Variants in HEPACAM observed in about 807,000 individuals in gnomAD.
HEPACAM encodes hepatic and glial cell adhesion molecule.
HEPACAM carries 18 observed loss-of-function variants against 38.3 expected under a neutral mutation model. That is an observed-to-expected ratio of 0.47 (90% CI 0.33 to 0.70). The LOEUF is 0.70. Among genes scored for constraint, HEPACAM ranks in the 30% least tolerant of loss-of-function variants. The pLI, the probability that HEPACAM is intolerant of heterozygous loss-of-function variation, is 0.03. For synonymous variants in HEPACAM, 216 were observed against 243.1 expected, an observed-to-expected ratio of 0.89 and a Z score of 1.04; for missense variants, 466 against 563.0, an observed-to-expected ratio of 0.83 and a Z score of 1.74.
Position 124,923,717 on chromosome 11 carries a change from G to A in HEPACAM, c.709+12C>T, listed in dbSNP as rs532459336. On this transcript the variant is annotated intron_variant, in intron 3 of 6. Coordinates refer to ENST00000298251, the MANE Select transcript of HEPACAM (RefSeq NM_152722.5). ...CTTTGAGTACTAAAGGAAAGCCTGC[G>A]GGGAAACTCACTGTATACGGTGATC... 95 of 1,613,942 alleles carry A rather than the reference G, an allele frequency of 5.9e-5. No individual in the cohort carries two copies. The highest frequency in any genetic ancestry group is 1.2e-4 in the African/African-American group (9 of 75,028).
At chr11:124,925,185 C>T in intron 1 of HEPACAM, 116 bp from the exon 2 acceptor site, 1 of 747,114 alleles carries the variant, frequency 1.3e-6, no homozygotes, top group Non-Finnish European at 2.1e-6. Context: ...TCTTCACTCC[C>T]TGCCAATCCT....
chr11:124,929,460 A>G (rs1947257577), intron 1 of HEPACAM, among the ~76,000 whole-genome samples: 1 of 152,212 alleles, frequency 6.6e-6, no homozygotes, highest in South Asian at 2.1e-4. Context: ...TCAGGGTTCC[A>G]CAACTTTCAA....
In HEPACAM at chr11:124,921,749, A is replaced by C. The variant is rs1947142098; in HGVS notation, c.949-309T>G. Among the ~76,000 whole-genome samples the C allele has an allele frequency of 6.6e-6, 1 of 152,174 alleles. No homozygotes were observed. On this transcript the variant is annotated intron_variant, in intron 6 of 6. Coordinates refer to ENST00000298251, the MANE Select transcript of HEPACAM (RefSeq NM_152722.5). The surrounding 1 kb of genome is among the most constrained non-coding windows in gnomAD (Gnocchi z 4.6). ...TTAGTTGTGGAATACTGGGGAAATC[A>C]CCAGAACTGGTGTCCAAAGACCTAG...
chr11:124,927,958 A>G (rs1386072749), intron 1 of HEPACAM, among the ~76,000 whole-genome samples: 1 of 152,240 alleles, frequency 6.6e-6, no homozygotes, highest in African/African-American at 2.4e-5. Flanking sequence ...TTAAAGCTGA[A>G]TGTGTGAATA....
chr11:124,922,709 T>C (rs1947156978), intron 5 of HEPACAM, 36 bp downstream of exon 5: 1 of 1,614,226 alleles, frequency 6.2e-7, no homozygotes, highest in East Asian at 2.2e-5. Context: ...GATCTGATTG[T>C]TGATGGGATG....
chr11:124,920,677 GCAAAAAAAA>G lies in HEPACAM; in HGVS notation c.*452_*460del, dbSNP rs1947118089. The G allele has an allele frequency of 4.4e-4, 48 of 108,126 alleles. No individual in the cohort carries two copies. The highest frequency in any genetic ancestry group is 5.2e-4 in the South Asian group (3 of 5,752). The allele number at this position is 108,126 out of a possible 1,614,324, so 6.7% of individuals were successfully genotyped here. A position where few individuals can be genotyped will look rare whatever the true frequency, so the allele number is the denominator to read the frequency against. On this transcript the variant is annotated 3_prime_UTR_variant, in exon 7 of 7. Transcript: ENST00000298251. ...AAAGTGGCCTCTCTAATCTGAACTT[GCAAAAAAAA>G]AAAAAAAAAAAAAAAAAAAAAAAGT...
chr11:124,924,221 C>G lies in HEPACAM; in HGVS notation c.428-211G>C, dbSNP rs188129131. Among the ~76,000 whole-genome samples the G allele has an allele frequency of 6.6e-6, 1 of 152,184 alleles. No individual in the cohort carries two copies. The highest frequency in any genetic ancestry group is 1.5e-5 in the Non-Finnish European group (1 of 68,028). On this transcript the variant is annotated intron_variant, in intron 2 of 6. Coordinates refer to ENST00000298251, the MANE Select transcript of HEPACAM (RefSeq NM_152722.5). This position sits in a 1 kb window ranked among gnomAD's most constrained non-coding sequence, Gnocchi z 4.4. The stretch of plus-strand genomic sequence containing the variant: ...TTTATGGAGCACCAATTAGGCATGG[C>G]GGGTACAATGCTGAACAATGCAGAC...
In HEPACAM at chr11:124,921,336, C is replaced by G. The variant is rs1012859781; in HGVS notation, c.1053G>C (p.Pro351=). Residue 351 remains proline, a synonymous_variant, in exon 7 of 7, where the codon CCG becomes CCC. Coordinates refer to ENST00000298251, the MANE Select transcript of HEPACAM (RefSeq NM_152722.5). The surrounding 1 kb of genome is among the most constrained non-coding windows in gnomAD (Gnocchi z 4.6). ...SVSPAVPGRS[P]GLPIRSARRY... ...GGCGGGCAGAGCGGATGGGCAGCCC[C>G]GGCGAGCGGCCGGGCACGGCGGGAG... 3 of 1,268,988 alleles carry G rather than the reference C, an allele frequency of 2.4e-6. No individual in the cohort carries two copies. Among genetic ancestry groups the G allele is most frequent in the Non-Finnish European group, 3.0e-6 (3 of 1,012,204 alleles). 78.6% of individuals were successfully genotyped at this position (1,268,988 alleles called of 1,614,324 possible).
intron 1 of HEPACAM, among the ~76,000 whole-genome samples, chr11:124,935,319 G>T (rs563593972): frequency 6.6e-6 from 1 of 152,246 alleles, no homozygotes; most frequent in African/African-American, 2.4e-5. Flanking sequence ...GTGTGTGTGT[G>T]TGTGTGTGTA....
At position 124,920,210 on chromosome 11, in the gene HEPACAM, G is replaced by C. The variant is rs1405816483; in HGVS notation, c.*928C>G. Reference sequence around the variant, plus strand: ...CTGGAGGAAGCTCAACAACTTTCCTGAGGACAATGATTGTTTGAAAGGCTT... The same window carrying C: ...CTGGAGGAAGCTCAACAACTTTCCTCAGGACAATGATTGTTTGAAAGGCTT... On this transcript the variant is annotated 3_prime_UTR_variant, in exon 7 of 7. Transcript: ENST00000298251. The C allele has an allele frequency of 2.8e-5, 24 of 866,864 alleles. No homozygotes were observed. The highest frequency in any genetic ancestry group is 4.1e-5 in the Non-Finnish European group (23 of 565,648). 53.7% of individuals were successfully genotyped at this position (866,864 alleles called of 1,614,324 possible). A position where few individuals can be genotyped will look rare whatever the true frequency, so the allele number is the denominator to read the frequency against.
intron 6 of HEPACAM, 63 bp downstream of exon 6, chr11:124,922,325 A>G: frequency 6.9e-7 from 1 of 1,441,162 alleles, no homozygotes; most frequent in Non-Finnish European, 9.8e-7. Flanking sequence ...ATGGCTCCCT[A>G]GCATCAGGCA....
At chr11:124,935,421 G>A (rs528216014) in intron 1 of HEPACAM, among the ~76,000 whole-genome samples, 8 of 152,292 alleles carry the variant, frequency 5.3e-5, no homozygotes, top group Admixed American at 5.2e-4. Context: ...CAGCTATGGA[G>A]TGGAGTGAAT....
intron 1 of HEPACAM, among the ~76,000 whole-genome samples, chr11:124,927,383 C>T (rs1349434618): frequency 1.3e-5 from 2 of 151,150 alleles, no homozygotes; most frequent in African/African-American, 4.9e-5. Context: ...CACTCTGTTA[C>T]CCAGACTGAA....
rs1329460307 is a variant in HEPACAM, at chr11:124,920,046, T to C, written c.*1092A>G. ...GGGAGTCTGCCCTTTTTCTGTGCCCTGGGACCTGAGCATGTGGGAGCAGGG... is the reference window on the plus strand; with the variant it reads ...GGGAGTCTGCCCTTTTTCTGTGCCCCGGGACCTGAGCATGTGGGAGCAGGG... On this transcript the variant is annotated 3_prime_UTR_variant, in exon 7 of 7. Coordinates refer to ENST00000298251, the MANE Select transcript of HEPACAM (RefSeq NM_152722.5). 6.2e-7 allele frequency: 1 copy of C among 1,602,620 alleles called. No individual in the cohort carries two copies. Among genetic ancestry groups the C allele is most frequent in the Non-Finnish European group, 8.5e-7 (1 of 1,173,868 alleles).
chr11:124,922,091 G>A (rs919302489), intron 6 of HEPACAM, among the ~76,000 whole-genome samples: 31 of 152,188 alleles, frequency 2.0e-4, no homozygotes, highest in African/African-American at 7.5e-4. Flanking sequence ...GGCTGCATTC[G>A]ATTCTCGATT....
chr11:124,935,290 T>C (rs1947328889), intron 1 of HEPACAM, among the ~76,000 whole-genome samples: 1 of 149,116 alleles, frequency 6.7e-6, no homozygotes, highest in Non-Finnish European at 1.5e-5. Flanking sequence ...AGTTGTGAAT[T>C]CCTAGGTGCT....
chr11:124,919,453 CTCACCCTAACCT>C lies in HEPACAM; in HGVS notation c.*1673_*1684del. The C allele has an allele frequency of 2.4e-6, 1 of 410,382 alleles. No individual in the cohort carries two copies. Among genetic ancestry groups the C allele is most frequent in the Admixed American group, 3.8e-5 (1 of 26,350 alleles). The allele number at this position is 410,382 out of a possible 1,614,324, so 25.4% of individuals were successfully genotyped here. Reference sequence around the variant, plus strand: ...GCACCAGGGTATGGCATGTTCTCATCTCACCCTAACCTTCACCTGTGCATCTCAAGGCTGACC... The same window carrying C: ...GCACCAGGGTATGGCATGTTCTCATCTCACCTGTGCATCTCAAGGCTGACC... On this transcript the variant is annotated 3_prime_UTR_variant, in exon 7 of 7. Coordinates refer to ENST00000298251, the MANE Select transcript of HEPACAM (RefSeq NM_152722.5).
intron 1 of HEPACAM, among the ~76,000 whole-genome samples, chr11:124,931,999 A>G (rs1490191658): frequency 6.6e-6 from 1 of 152,246 alleles, no homozygotes; most frequent in African/African-American, 2.4e-5. Context: ...ATATGATACC[A>G]CTTATAGAAA....
intron 1 of HEPACAM, among the ~76,000 whole-genome samples, chr11:124,930,159 T>G (rs1295280009): frequency 6.6e-6 from 1 of 152,236 alleles, no homozygotes; most frequent in African/African-American, 2.4e-5. Flanking sequence ...TAGCCAGAAC[T>G]GCATCTAATA....
Sources: gnomAD v4.1 joint callset for allele counts (sites outside exome capture counted in the v4.1 genomes callset) on GRCh38, gnomAD v4.1.1 for gene constraint, Gnocchi (gnomAD v3.1) non-coding constraint, MANE v1.5 for transcripts, NCBI Gene and HGNC (gene_info 2026-07-23, HGNC 2026-07-21) for gene names.